The following RELL1 variants were observed in gnomAD, a reference collection of about 807,000 sequenced individuals.
RELL1 encodes RELT like 1.
A neutral mutation model predicts 23.0 loss-of-function variants in RELL1; 10 were observed. The observed-to-expected ratio is 0.43, with a 90% CI of 0.27 to 0.74. RELL1 has a LOEUF of 0.74. RELL1 is among the 30% of genes least tolerant of loss of function. The probability of loss-of-function intolerance (pLI) is 0.19; values close to 1 mark genes in which losing one functional copy is unlikely to be tolerated. For missense variants in RELL1, 315 were observed against 364.4 expected (o/e 0.86, Z 1.10); for synonymous variants, 146 against 146.8 (o/e 0.99, Z 0.04).
intron 6 of RELL1, among the ~76,000 whole-genome samples, chr4:37,599,465 T>C (rs1718961470): frequency 6.6e-6 from 1 of 152,202 alleles, no homozygotes; most frequent in Non-Finnish European, 1.5e-5. Context: ...CCCATTTGTC[T>C]GGGTGGGTTG....
At chr4:37,630,909 A>C (rs1720107349) in intron 6 of RELL1, among the ~76,000 whole-genome samples, 1 of 152,132 alleles carries the variant, frequency 6.6e-6, no homozygotes, top group African/African-American at 2.4e-5. Flanking sequence ...AATGGTGACA[A>C]GATTACAAGT....
chr4:37,599,512 C>T (rs1718962239), intron 6 of RELL1, among the ~76,000 whole-genome samples: 1 of 152,076 alleles, frequency 6.6e-6, no homozygotes, highest in Non-Finnish European at 1.5e-5. Flanking sequence ...GGGGAAAACA[C>T]CTTAAGCAAT....
chr4:37,656,462 A>T (rs1193627345), intron 1 of RELL1, among the ~76,000 whole-genome samples: 2 of 152,220 alleles, frequency 1.3e-5, no homozygotes, highest in Admixed American at 1.3e-4. Context: ...GCACTTAAAA[A>T]TTTGTTCAGA....
downstream of RELL1, among the ~76,000 whole-genome samples, chr4:37,605,793 G>GAGAGAGAGAAAGAAAGAA (rs1269670059): frequency 5.5e-5 from 5 of 90,304 alleles, no homozygotes; most frequent in African/African-American, 1.9e-4. Flanking sequence ...GAGAAAGAAA[G>GAGAGAGAGAAAGAAAGAA]AGAAAGAAAG....
chr4:37,613,951 G>A (rs529120196), intron 6 of RELL1, among the ~76,000 whole-genome samples: 1 of 152,178 alleles, frequency 6.6e-6, no homozygotes, highest in Admixed American at 6.5e-5. Flanking sequence ...TTACAGACTG[G>A]CATAACCCAG....
rs139212151 is a variant in RELL1, at chr4:37,599,424, G to A, written c.*4-8207C>T. 1.8e-3 allele frequency among the ~76,000 whole-genome samples: 270 copies of A among 152,298 alleles called. 2 individuals carry two copies. The highest frequency in any genetic ancestry group is 5.9e-3 in the African/African-American group (247 of 41,556). On this transcript the variant is annotated intron_variant, in intron 6 of 6. Transcript: ENST00000314117. ...AGTACAGGGTGAAGTCATGGGACAG[G>A]GTGATGAAGAAACTGTATTCTCATG...
intron 6 of RELL1, among the ~76,000 whole-genome samples, chr4:37,622,040 G>A (rs1719786204): frequency 6.6e-6 from 1 of 152,188 alleles, no homozygotes; most frequent in Non-Finnish European, 1.5e-5. Flanking sequence ...AACAACTGAG[G>A]ACAAATAGGG....
chr4:37,598,450 C>G (rs1382142123), intron 6 of RELL1, among the ~76,000 whole-genome samples: 4 of 151,918 alleles, frequency 2.6e-5, no homozygotes, highest in Non-Finnish European at 5.9e-5. Flanking sequence ...ATAGGTATGA[C>G]TATAGCTTAA....
At chr4:37,669,004 G>C (rs1721659229) in intron 1 of RELL1, among the ~76,000 whole-genome samples, 1 of 143,732 alleles carries the variant, frequency 7.0e-6, no homozygotes, top group South Asian at 2.1e-4. Flanking sequence ...CAGGAGAGAG[G>C]TGGGGGGGTC....
intron 6 of RELL1, among the ~76,000 whole-genome samples, chr4:37,604,776 G>GGCACACACAGAC (rs1719109044): frequency 1.4e-5 from 1 of 72,554 alleles, no homozygotes; most frequent in Admixed American, 1.4e-4. Flanking sequence ...CACACACACA[G>GGCACACACAGAC]ACACACACAG....
At chr4:37,624,819 T>C (rs1577571930) in intron 6 of RELL1, among the ~76,000 whole-genome samples, 1 of 152,322 alleles carries the variant, frequency 6.6e-6, no homozygotes, top group Non-Finnish European at 1.5e-5. Flanking sequence ...ATTTCTGAGA[T>C]GTCCTGAGAG....
In RELL1 at chr4:37,604,786, G is replaced by GACACACACACAGAC. The variant is rs1719111258; in HGVS notation, c.*4-13583_*4-13570dup. Reference sequence around the variant, plus strand: ...CCACACACACACACAGACACACACAGACACACACACAGACACACACACAGA... The same window carrying GACACACACACAGAC: ...CCACACACACACACAGACACACACAGACACACACACAGACACACACACACAGACACACACACAGA... On this transcript the variant is annotated intron_variant, in intron 6 of 6. Transcript: ENST00000314117. Among the ~76,000 whole-genome samples, 190 of 52,686 alleles carry GACACACACACAGAC rather than the reference G, an allele frequency of 3.6e-3. 9 individuals carry two copies. The highest frequency in any genetic ancestry group is 0.01 in the African/African-American group (165 of 15,872). The allele number at this position is 52,686 out of a possible 152,430, so 34.6% of individuals were successfully genotyped here.
chr4:37,667,624 T>A (rs527939471), intron 1 of RELL1, among the ~76,000 whole-genome samples: 4 of 151,530 alleles, frequency 2.6e-5, no homozygotes, highest in African/African-American at 7.3e-5. Flanking sequence ...ATAATCATTA[T>A]CCCTGTAACA....
At chr4:37,598,027 CAT>C (rs564583776) in intron 6 of RELL1, among the ~76,000 whole-genome samples, 2 of 144,330 alleles carry the variant, frequency 1.4e-5, no homozygotes, top group Admixed American at 7.0e-5. Context: ...CTCCAGCCTA[CAT>C]ATATATATAC....
At chr4:37,596,694 A>G (rs1367271844) in intron 6 of RELL1, among the ~76,000 whole-genome samples, 1 of 123,904 alleles carries the variant, frequency 8.1e-6, no homozygotes, top group Non-Finnish European at 1.7e-5. Context: ...CTCTCTGTAA[A>G]TAGACAAAAC....
At chr4:37,616,221 T>C (rs1719569650) in intron 6 of RELL1, among the ~76,000 whole-genome samples, 1 of 152,224 alleles carries the variant, frequency 6.6e-6, no homozygotes, top group African/African-American at 2.4e-5. Flanking sequence ...CATAAGTCAA[T>C]GATTCCTATT....
chr4:37,675,876 C>A (rs956620780), intron 1 of RELL1, among the ~76,000 whole-genome samples: 2 of 152,158 alleles, frequency 1.3e-5, no homozygotes, highest in Non-Finnish European at 2.9e-5. Flanking sequence ...CCAGACCCAT[C>A]CCAGTCCTAT....
chr4:37,586,466 G>A (rs114088916), downstream of RELL1, among the ~76,000 whole-genome samples: 1,385 of 152,262 alleles, frequency 9.1e-3, 4 homozygotes, highest in Non-Finnish European at 0.011. Flanking sequence ...AGAGATGCAC[G>A]GCTGGTCCGA....
chr4:37,623,799 G>A (rs1002397072), intron 6 of RELL1, among the ~76,000 whole-genome samples: 8 of 152,114 alleles, frequency 5.3e-5, no homozygotes, highest in African/African-American at 1.9e-4. Context: ...CCTACTTTAG[G>A]TGCAGTTTCT....
Sources: allele counts gnomAD v4.1 joint callset (sites outside exome capture counted in the v4.1 genomes callset), GRCh38; gene constraint gnomAD v4.1.1; transcripts MANE v1.5; gene names NCBI Gene and HGNC (gene_info 2026-07-23, HGNC 2026-07-21).